The following RMI2 variants were observed in gnomAD, a reference collection of about 807,000 sequenced individuals.
RMI2 encodes RecQ mediated genome instability 2.
RMI2 carries 11 observed loss-of-function variants against 8.4 expected under a neutral mutation model. The observed-to-expected ratio is 1.32, with a 90% CI of 0.83 to 2.18. The LOEUF (loss-of-function observed/expected upper bound fraction) is 2.18. Among genes scored for constraint, RMI2 ranks in the 30% most tolerant of loss-of-function variants. The probability of loss-of-function intolerance (pLI) is 0.00; values close to 1 mark genes in which losing one functional copy is unlikely to be tolerated. For missense variants in RMI2, 253 were observed against 207.5 expected (o/e 1.22, Z -1.35); for synonymous variants, 105 against 93.8 (o/e 1.12, Z -0.69).
At chr16:11,346,765 A>T (rs2070878315) in intron 1 of RMI2, among the ~76,000 whole-genome samples, 1 of 151,816 alleles carries the variant, frequency 6.6e-6, no homozygotes, top group African/African-American at 2.4e-5. Flanking sequence ...CGACTTTTTA[A>T]ATGTTTTATT....
intron 1 of RMI2, among the ~76,000 whole-genome samples, chr16:11,347,812 G>T (rs1041544652): frequency 6.6e-6 from 1 of 152,052 alleles, no homozygotes; most frequent in African/African-American, 2.4e-5. Flanking sequence ...ACAGAATCTC[G>T]CTCTGTCTCT....
intron 1 of RMI2, 92 bp downstream of exon 1, chr16:11,345,858 G>A: frequency 9.3e-7 from 1 of 1,070,702 alleles, no homozygotes; most frequent in Non-Finnish European, 1.2e-6. Context: ...ACACTCGAAC[G>A]GGGGCGGGGC....
Position 11,350,879 on chromosome 16 carries a change from T to G in RMI2, c.*89T>G. On this transcript the variant is annotated 3_prime_UTR_variant, in exon 2 of 2. Transcript: ENST00000312499. ...TGTGGATTTCATGGACACTTTTCAATGCGTATTTTTCAAATGCTTCTCAGA... is the reference window on the plus strand; with the variant it reads ...TGTGGATTTCATGGACACTTTTCAAGGCGTATTTTTCAAATGCTTCTCAGA... 1 of 1,129,200 alleles carries G rather than the reference T, an allele frequency of 8.9e-7. No individual in the cohort carries two copies. Among genetic ancestry groups the G allele is most frequent in the East Asian group, 2.6e-5 (1 of 37,832 alleles). The allele number at this position is 1,129,200 out of a possible 1,614,324, so 69.9% of individuals were successfully genotyped here. A position where few individuals can be genotyped will look rare whatever the true frequency, so the allele number is the denominator to read the frequency against.
intron 1 of RMI2, 82 bp downstream of exon 1, chr16:11,345,848 A>C: frequency 9.1e-7 from 1 of 1,101,080 alleles, no homozygotes; most frequent in Non-Finnish European, 1.1e-6. Flanking sequence ...CTTGTTGTTG[A>C]CACTCGAACG....
rs1025447687 is a variant in RMI2, at chr16:11,351,534, C to G, written c.*744C>G. 8.6e-6 allele frequency: 2 copies of G among 232,156 alleles called. No homozygotes were observed. The highest frequency in any genetic ancestry group is 1.7e-5 in the Non-Finnish European group (2 of 117,438). The allele number at this position is 232,156 out of a possible 1,614,324, so 14.4% of individuals were successfully genotyped here. ...CATTAGCTAAACTTCCACTTCATAACTTTCGGCGAGACATGGTGAGCCTCC... is the reference window on the plus strand; with the variant it reads ...CATTAGCTAAACTTCCACTTCATAAGTTTCGGCGAGACATGGTGAGCCTCC... On this transcript the variant is annotated 3_prime_UTR_variant, in exon 2 of 2. Transcript: ENST00000312499.
chr16:11,347,086 T>C (rs2070885746), intron 1 of RMI2, among the ~76,000 whole-genome samples: 2 of 152,248 alleles, frequency 1.3e-5, no homozygotes, highest in South Asian at 2.1e-4. Context: ...GCACGTGTTG[T>C]ACATCAGCCC....
Position 11,345,725 on chromosome 16 carries a change from G to A in RMI2, c.254G>A (p.Gly85Asp), listed in dbSNP as rs1378492652. 2 of 1,249,138 alleles carry A rather than the reference G, an allele frequency of 1.6e-6. No homozygotes were observed. Among genetic ancestry groups the A allele is most frequent in the East Asian group, 6.1e-5 (2 of 32,968 alleles). The allele number at this position is 1,249,138 out of a possible 1,614,324, so 77.4% of individuals were successfully genotyped here. A position where few individuals can be genotyped will look rare whatever the true frequency, so the allele number is the denominator to read the frequency against. ...RDPSGDFSVRGLERVPRGRPC... is the reference protein window; with the variant it reads ...RDPSGDFSVRDLERVPRGRPC... ...CCGAGCGGGGACTTCTCGGTCCGCG[G>A]CCTGGAGCGGGTGCCGCGCGGGCGG... The change falls in exon 1 of 2, where the codon GGC becomes GAC. Residue 85 changes from glycine to aspartate, a missense_variant. Gly to Asp is a moderately conservative substitution (Grantham distance 94). Transcript: ENST00000312499.
rs1053433150 is a variant in RMI2 at position 11,351,277 on chromosome 16, C to G, written c.*487C>G. On this transcript the variant is annotated 3_prime_UTR_variant, in exon 2 of 2. Coordinates refer to ENST00000312499, the MANE Select transcript of RMI2 (RefSeq NM_152308.3). ...GGCTCCTCATCTTCTTCATCAGCAA[C>G]TACCATAACCAGTTTGCGAGTCAAA... The G allele has an allele frequency of 4.7e-5, 11 of 233,112 alleles. No individual in the cohort carries two copies. Among genetic ancestry groups the G allele is most frequent in the African/African-American group, 2.4e-4 (11 of 45,334 alleles). The allele number at this position is 233,112 out of a possible 1,614,324, so 14.4% of individuals were successfully genotyped here.
intron 1 of RMI2, chr16:11,348,363 A>G (rs1223036094): frequency 6.6e-6 from 1 of 152,248 alleles, no homozygotes; most frequent in Middle Eastern, 3.1e-3. Flanking sequence ...CAGGCAAAGC[A>G]CCTTGCAGGC....
chr16:11,345,807 C>G, intron 1 of RMI2, 41 bp downstream of exon 1: 1 of 1,223,916 alleles, frequency 8.2e-7, no homozygotes, highest in East Asian at 3.2e-5. Context: ...TCCCTGCTGC[C>G]CGCCGAGAAG....
chr16:11,346,255 C>CTTTTTTTTTTT (rs34808246), intron 1 of RMI2, among the ~76,000 whole-genome samples: 3 of 115,934 alleles, frequency 2.6e-5, no homozygotes, highest in African/African-American at 3.3e-5. Context: ...TGCCTCCTCT[C>CTTTTTTTTTTT]TTTTTTTTTT....
chr16:11,351,480 A>G lies in RMI2; in HGVS notation c.*690A>G. ...TTTCAGAATTTCTTGTTGAAATGAAAAACATCAAGATAAAGGACGCCTTTC... is the reference window on the plus strand; with the variant it reads ...TTTCAGAATTTCTTGTTGAAATGAAGAACATCAAGATAAAGGACGCCTTTC... On this transcript the variant is annotated 3_prime_UTR_variant, in exon 2 of 2. Transcript: ENST00000312499. 1 of 232,108 alleles carries G rather than the reference A, an allele frequency of 4.3e-6. No homozygotes were observed. Among genetic ancestry groups the G allele is most frequent in the South Asian group, 1.8e-4 (1 of 5,512 alleles). 14.4% of individuals were successfully genotyped at this position (232,108 alleles called of 1,614,324 possible). A position where few individuals can be genotyped will look rare whatever the true frequency, so the allele number is the denominator to read the frequency against.
intron 1 of RMI2, among the ~76,000 whole-genome samples, chr16:11,347,123 G>A (rs1012789207): frequency 3.3e-5 from 5 of 152,268 alleles, no homozygotes; most frequent in Admixed American, 6.5e-5. Context: ...GGCTGCAGCC[G>A]AGACCTAGAT....
intron 1 of RMI2, 72 bp downstream of exon 1, chr16:11,345,838 C>G: frequency 2.6e-6 from 3 of 1,153,688 alleles, no homozygotes; most frequent in Non-Finnish European, 3.3e-6. Flanking sequence ...CAGATTCGAT[C>G]TTGTTGTTGA....
At position 11,350,881 on chromosome 16, in the gene RMI2, C is replaced by T. The variant is rs371720974; in HGVS notation, c.*91C>T. ...TGGATTTCATGGACACTTTTCAATG[C>T]GTATTTTTCAAATGCTTCTCAGAGA... On this transcript the variant is annotated 3_prime_UTR_variant, in exon 2 of 2. Coordinates refer to ENST00000312499, the MANE Select transcript of RMI2 (RefSeq NM_152308.3). 21 of 1,102,912 alleles carry T rather than the reference C, an allele frequency of 1.9e-5. No homozygotes were observed. In the South Asian group the frequency reaches 2.0e-4, roughly 11 times the overall value. 68.3% of individuals were successfully genotyped at this position (1,102,912 alleles called of 1,614,324 possible).
rs2070973400 is a variant in RMI2, at chr16:11,351,483, C to T, written c.*693C>T. The T allele has an allele frequency of 8.6e-6, 2 of 231,830 alleles. No homozygotes were observed. The highest frequency in any genetic ancestry group is 1.2e-4 in the East Asian group (2 of 16,390). 14.4% of individuals were successfully genotyped at this position (231,830 alleles called of 1,614,324 possible). On this transcript the variant is annotated 3_prime_UTR_variant, in exon 2 of 2. Coordinates refer to ENST00000312499, the MANE Select transcript of RMI2 (RefSeq NM_152308.3). ...CAGAATTTCTTGTTGAAATGAAAAA[C>T]ATCAAGATAAAGGACGCCTTTCAGG...
At chr16:11,350,049 G>A (rs2070943977) in intron 1 of RMI2, among the ~76,000 whole-genome samples, 1 of 152,190 alleles carries the variant, frequency 6.6e-6, no homozygotes, top group African/African-American at 2.4e-5. Flanking sequence ...TCGGCAATGT[G>A]GAGGGAAAAT....
intron 1 of RMI2, chr16:11,348,080 T>C (rs775517558): frequency 2.6e-5 from 4 of 152,380 alleles, no homozygotes; most frequent in Non-Finnish European, 4.4e-5. Context: ...GGATTTCACA[T>C]TTTTAAATGG....
Position 11,349,398 on chromosome 16 carries a change from A to G in RMI2, c.296-1244A>G, listed in dbSNP as rs541992265. On this transcript the variant is annotated intron_variant, in intron 1 of 1. Coordinates refer to ENST00000312499, the MANE Select transcript of RMI2 (RefSeq NM_152308.3). This position sits in a 1 kb window ranked among gnomAD's most constrained non-coding sequence, Gnocchi z 4.2. ...GGTGTGGGTAGAACCTACAAGGTCA[A>G]TTTGTCCCATCGCGTGCCTTCGAGT... 177 of 152,382 alleles carry G rather than the reference A, an allele frequency of 1.2e-3. No individual in the cohort carries two copies. Among genetic ancestry groups the G allele is most frequent in the African/African-American group, 3.9e-3 (160 of 41,516 alleles). 9.4% of individuals were successfully genotyped at this position (152,382 alleles called of 1,614,324 possible). A position where few individuals can be genotyped will look rare whatever the true frequency, so the allele number is the denominator to read the frequency against.
Sources: allele counts gnomAD v4.1 joint callset (sites outside exome capture counted in the v4.1 genomes callset), GRCh38; gene constraint gnomAD v4.1.1; non-coding constraint Gnocchi (gnomAD v3.1); transcripts MANE v1.5; gene names NCBI Gene and HGNC (gene_info 2026-07-23, HGNC 2026-07-21).